The following SCN10A variants were observed in gnomAD, a reference collection of about 807,000 sequenced individuals.
The protein encoded by SCN10A is sodium voltage-gated channel alpha subunit 10.
Under a neutral mutation model 170.7 loss-of-function variants are expected in SCN10A, and 162 were observed. The observed-to-expected ratio is 0.95, with a 90% CI of 0.84 to 1.08. The LOEUF is 1.08. Ranked by LOEUF, SCN10A falls within the 50% of genes least tolerant of loss-of-function variation. SCN10A has a pLI of 0.00. For synonymous variants in SCN10A, 985 were observed against 904.6 expected (o/e 1.09, Z -1.59); for missense variants, 2,527 against 2,436.9 (o/e 1.04, Z -0.78).
Position 38,793,877 on chromosome 3 carries a change from T to A in SCN10A, c.134A>T (p.Lys45Met), listed in dbSNP as rs1373042549. ...KKAREKHREQ[K>M]DQEEKPRPQL... The stretch of plus-strand genomic sequence containing the variant: ...GGGCCGAGGCTTCTCTTCTTGGTCC[T>A]TCTGCTCCCTATGCTTCTCTCTGGC... The change falls in exon 2 of 28, where the codon AAG (lysine) becomes ATG (methionine). Residue 45 changes from lysine to methionine, a missense_variant. By Grantham distance (95) the Lys-to-Met change is moderately conservative. Transcript: ENST00000449082. 5 of 1,614,108 alleles carry A rather than the reference T, an allele frequency of 3.1e-6. No homozygotes were observed. In the South Asian group the frequency reaches 5.5e-5, roughly 18 times the overall value.
chr3:38,754,565 G>A (rs2063782837), intron 11 of SCN10A, among the ~76,000 whole-genome samples: 1 of 152,194 alleles, frequency 6.6e-6, no homozygotes, highest in African/African-American at 2.4e-5. Flanking sequence ...CCAATTCAGT[G>A]TCATTGACAT....
At chr3:38,737,730 T>TTCCC (rs1216736909) in intron 15 of SCN10A, among the ~76,000 whole-genome samples, 29 of 147,850 alleles carry the variant, frequency 2.0e-4, no homozygotes, top group Admixed American at 1.5e-3. Flanking sequence ...TAGCTCGTCC[T>TTCCC]TCCCTCCCTC....
At chr3:38,815,778 G>T (rs1042318650) in intron 1 of SCN10A, among the ~76,000 whole-genome samples, 17 of 152,338 alleles carry the variant, frequency 1.1e-4, no homozygotes, top group African/African-American at 3.4e-4. Context: ...GTAGCATGTA[G>T]AAATTGATAG....
chr3:38,701,205 C>G (rs1379609085), intron 27 of SCN10A, among the ~76,000 whole-genome samples: 1 of 152,212 alleles, frequency 6.6e-6, no homozygotes, highest in African/African-American at 2.4e-5. Context: ...GTAATTTTCT[C>G]TGAACACCAC....
chr3:38,699,261 GT>G (rs1236624743), intron 27 of SCN10A, among the ~76,000 whole-genome samples: 3 of 148,562 alleles, frequency 2.0e-5, no homozygotes, highest in African/African-American at 5.0e-5. Flanking sequence ...CTGGAGATAG[GT>G]TTTTTTGGGG....
Position 38,726,659 on chromosome 3 carries a change from C to A in SCN10A, c.3034G>T (p.Asp1012Tyr). The A allele has an allele frequency of 6.2e-7, 1 of 1,606,764 alleles. No individual in the cohort carries two copies. Among genetic ancestry groups the A allele is most frequent in the Non-Finnish European group, 8.5e-7 (1 of 1,174,116 alleles). ...GESDLDDLED[D>Y]GGEDAQSFQQ... is the part of the protein sequence containing the mutation. The stretch of plus-strand genomic sequence containing the variant: ...AAGCTCTGAGCATCTTCCCCACCAT[C>A]ATCCTCCAAGTCATCAAGATCAGAT... The change falls in exon 17 of 28, where the codon GAT becomes TAT. Residue 1012 changes from aspartate (D) to tyrosine (Y), a missense_variant. Physicochemically the swap from Asp to Tyr is radical, Grantham distance 160 (BLOSUM62 -3). Coordinates refer to ENST00000449082, the MANE Select transcript of SCN10A (RefSeq NM_006514.4).
At chr3:38,737,848 T>C (rs2063586851) in intron 15 of SCN10A, among the ~76,000 whole-genome samples, 1 of 149,722 alleles carries the variant, frequency 6.7e-6, no homozygotes, top group African/African-American at 2.5e-5. Flanking sequence ...CTTCTTTCTT[T>C]CTTTCTCTTT....
At chr3:38,770,340 G>A (rs780784333) in intron 5 of SCN10A, among the ~76,000 whole-genome samples, 4 of 152,180 alleles carry the variant, frequency 2.6e-5, no homozygotes, top group Non-Finnish European at 5.9e-5. Flanking sequence ...TTTGTGTTCA[G>A]CTACCAAGGC....
At position 38,723,435 on chromosome 3, in the gene SCN10A, G is replaced by A. The variant is rs778116360; in HGVS notation, c.3347C>T (p.Thr1116Ile). 1 of 1,614,182 alleles carries A rather than the reference G, an allele frequency of 6.2e-7. No individual in the cohort carries two copies. The highest frequency in any genetic ancestry group is 8.5e-7 in the Non-Finnish European group (1 of 1,180,016). The change falls in exon 19 of 28, where the codon ACA (threonine) becomes ATA (isoleucine). Residue 1116 changes from threonine (T) to isoleucine (I), a missense_variant. By Grantham distance (89) the Thr-to-Ile change is moderately conservative. Transcript: ENST00000449082. ...GCCTGTGGCTGTCCCTTCACCTTCT[G>A]TGAAGCAGTCATCTGGTTCTTCCAG... ...DDLEEPDDCF[T>I]EGCIRHCPCC...
rs1553619550 is a variant in SCN10A at position 38,746,063 on chromosome 3, G to GTATATATATA, written c.1868-3544_1868-3535dup. 4.6e-3 allele frequency among the ~76,000 whole-genome samples: 282 copies of GTATATATATA among 61,604 alleles called. 14 individuals carry two copies. The highest frequency in any genetic ancestry group is 7.1e-3 in the Non-Finnish European group (205 of 28,738). 40.4% of individuals were successfully genotyped at this position (61,604 alleles called of 152,430 possible). On this transcript the variant is annotated intron_variant, in intron 13 of 27. Coordinates refer to ENST00000449082, the MANE Select transcript of SCN10A (RefSeq NM_006514.4). ...TACATATATATATGTGTGTGTATGT[G>GTATATATATA]TATATATATATATATATATATATAT...
At chr3:38,737,031 C>T (rs1195497909) in intron 15 of SCN10A, among the ~76,000 whole-genome samples, 1 of 118,474 alleles carries the variant, frequency 8.4e-6, no homozygotes, top group Non-Finnish European at 1.6e-5. Context: ...ATTGCAGTGG[C>T]GCAATCTCGG....
intron 15 of SCN10A, among the ~76,000 whole-genome samples, chr3:38,737,886 T>C (rs943981962): frequency 1.4e-5 from 2 of 140,640 alleles, no homozygotes; most frequent in African/African-American, 5.5e-5. Context: ...TTGCTCTCTC[T>C]CTTTCTTTCA....
chr3:38,802,868 C>T (rs1482798963), intron 1 of SCN10A, among the ~76,000 whole-genome samples: 1 of 152,104 alleles, frequency 6.6e-6, no homozygotes, highest in Non-Finnish European at 1.5e-5. Context: ...AGGCAACCTA[C>T]AGAATGGGAG....
chr3:38,803,735 G>A (rs148344540), intron 1 of SCN10A, among the ~76,000 whole-genome samples: 9 of 151,676 alleles, frequency 5.9e-5, no homozygotes, highest in South Asian at 2.1e-4. Context: ...CCAACATGAC[G>A]CATGTATACA....
Position 38,750,189 on chromosome 3 carries a change from T to A in SCN10A, c.1756-5A>T, listed in dbSNP as rs770047247. ...CTTTTGTCCTGCATCGAATGCCTGT[T>A]GAGACACAAACAGAGTCAGGACGCT... On this transcript the variant is annotated splice_region_variant and splice_polypyrimidine_tract_variant and intron_variant, in intron 12 of 27. Transcript: ENST00000449082. The A allele has an allele frequency of 1.9e-6, 3 of 1,579,560 alleles. No individual in the cohort carries two copies. The African/African-American group carries it at 4.0e-5, about 21-fold the overall frequency.
At position 38,709,589 on chromosome 3, in the gene SCN10A, G is replaced by T; in HGVS notation, c.4170C>A (p.Asp1390Glu). 6.2e-7 allele frequency: 1 copy of T among 1,609,144 alleles called. No homozygotes were observed. Among genetic ancestry groups the T allele is most frequent in the Non-Finnish European group, 8.5e-7 (1 of 1,177,826 alleles). The part of the protein sequence containing the change: ...REVNMQPKWE[D>E]NVYMYLYFVI... ...CAAAGTACAAATACATGTACACGTT[G>T]TCCTCCCACTTGGGTTGCATGTTGA... is the stretch of plus-strand genomic sequence containing the variant. Residue 1390 changes from aspartate (D) to glutamate (E), a missense_variant, in exon 25 of 28, where the codon GAC becomes GAA. Transcript: ENST00000449082.
rs77447156 is a variant in SCN10A at position 38,775,350 on chromosome 3, T to C, written c.471-3943A>G. Among the ~76,000 whole-genome samples the C allele has an allele frequency of 4.4e-3, 675 of 152,334 alleles. 7 individuals are homozygous for C. Among genetic ancestry groups the C allele is most frequent in the African/African-American group, 0.016 (645 of 41,572 alleles). On this transcript the variant is annotated intron_variant, in intron 4 of 27. Coordinates refer to ENST00000449082, the MANE Select transcript of SCN10A (RefSeq NM_006514.4). ...TCATGCAACATTTGTTCTTTTGCGT[T>C]TGAGTTATTTTACTTAGCACAATGC...
intron 1 of SCN10A, among the ~76,000 whole-genome samples, chr3:38,795,901 G>A (rs2064338793): frequency 6.6e-6 from 1 of 152,146 alleles, no homozygotes; most frequent in Admixed American, 6.5e-5. Flanking sequence ...TACCAGAGCA[G>A]CAAAGTTAAA....
intron 4 of SCN10A, among the ~76,000 whole-genome samples, chr3:38,786,802 G>A (rs1020199760): frequency 2.2e-4 from 34 of 152,074 alleles, no homozygotes; most frequent in Non-Finnish European, 4.0e-4. Context: ...GTTCTGGGGT[G>A]CCACCTTTTC....
Sources: allele counts gnomAD v4.1 joint callset (sites outside exome capture counted in the v4.1 genomes callset), GRCh38; gene constraint gnomAD v4.1.1; transcripts MANE v1.5; gene names NCBI Gene and HGNC (gene_info 2026-07-23, HGNC 2026-07-21).